The following TOP3A variants were observed in gnomAD, a reference collection of about 807,000 sequenced individuals.
TOP3A encodes DNA topoisomerase 3-alpha.
In TOP3A, 64 loss-of-function variants were observed where a neutral mutation model predicts 111.3. The ratio of observed to expected loss-of-function variants is 0.57; its 90% confidence interval spans 0.47 to 0.71. The LOEUF is 0.71. Among genes scored for constraint, TOP3A ranks in the 30% least tolerant of loss-of-function variants. The probability of loss-of-function intolerance (pLI) is 0.00; values close to 1 mark genes in which losing one functional copy is unlikely to be tolerated. For missense variants in TOP3A, 1,104 were observed against 1,285.0 expected, an observed-to-expected ratio of 0.86 and a Z score of 2.15; for synonymous variants, 484 against 485.1, an observed-to-expected ratio of 1.00 and a Z score of 0.03.
At chr17:18,275,434 A>G (rs1166846584) in intron 18 of TOP3A, among the ~76,000 whole-genome samples, 1 of 138,442 alleles carries the variant, frequency 7.2e-6, no homozygotes, top group Non-Finnish European at 1.5e-5. Context: ...ATCTCCACTC[A>G]CTGCAAGCTC....
At chr17:18,286,190 ACT>A (rs1402929862) in intron 13 of TOP3A, among the ~76,000 whole-genome samples, 1 of 143,374 alleles carries the variant, frequency 7.0e-6, no homozygotes, top group South Asian at 2.2e-4. Flanking sequence ...ATGGAGTGAG[ACT>A]CTCTTTAAAA....
rs747364705 is a variant in TOP3A, at chr17:18,280,570, C to T, written c.2110G>A (p.Val704Met). 1.1e-5 allele frequency: 17 copies of T among 1,613,738 alleles called. No homozygotes were observed. Among genetic ancestry groups the T allele is most frequent in the South Asian group, 6.6e-5 (6 of 91,064 alleles). The change falls in exon 17 of 19, where the codon GTG becomes ATG. Residue 704 changes from valine to methionine, a missense_variant. Coordinates refer to ENST00000321105, the MANE Select transcript of TOP3A (RefSeq NM_004618.5). ...SVLEASRDSS[V>M]CPVCQPHPVY... ...GGGTGTGGCTGACAAACTGGACACA[C>T]ACTGCTGTCCCTGCTGGCCTCCAGC...
rs1979011012 is a variant in TOP3A, at chr17:18,271,801, C to T, written c.*3001G>A. 1 of 448,922 alleles carries T rather than the reference C, an allele frequency of 2.2e-6. No individual in the cohort carries two copies. 27.8% of individuals were successfully genotyped at this position (448,922 alleles called of 1,614,324 possible). On this transcript the variant is annotated 3_prime_UTR_variant, in exon 19 of 19. Transcript: ENST00000321105. ...AAGAGACCAGGTGTGATGGCTCCTG[C>T]CTGTTAATCCTAGCACTTTGGGAGG...
intron 7 of TOP3A, 93 bp from the exon 8 acceptor site, chr17:18,302,078 C>G: frequency 1.4e-6 from 2 of 1,414,946 alleles, no homozygotes; most frequent in South Asian, 1.2e-5. Flanking sequence ...GAAAGTCAAA[C>G]GAATATCAAA....
At chr17:18,297,287 T>C (rs895125053) in intron 9 of TOP3A, among the ~76,000 whole-genome samples, 3 of 152,122 alleles carry the variant, frequency 2.0e-5, no homozygotes, top group African/African-American at 7.2e-5. Flanking sequence ...TAGCCAGGCA[T>C]GGTGGTGCAT....
In TOP3A at chr17:18,288,153, T is replaced by A. The variant is rs868246929; in HGVS notation, c.1597+2404A>T. Among the ~76,000 whole-genome samples, 372 of 79,190 alleles carry A rather than the reference T, an allele frequency of 4.7e-3. 3 individuals are homozygous for A. The highest frequency in any genetic ancestry group is 0.018 in the African/African-American group (346 of 19,168). 52.0% of individuals were successfully genotyped at this position (79,190 alleles called of 152,430 possible). ...TAATTATATATATATATATATAAAT[T>A]TTTTTTTTTTTTTTTTTTAGATGGA... On this transcript the variant is annotated intron_variant, in intron 13 of 18. Coordinates refer to ENST00000321105, the MANE Select transcript of TOP3A (RefSeq NM_004618.5).
intron 9 of TOP3A, among the ~76,000 whole-genome samples, chr17:18,296,544 C>T (rs974158653): frequency 7.2e-5 from 11 of 152,242 alleles, no homozygotes; most frequent in African/African-American, 2.6e-4. Context: ...CACGCCACTG[C>T]ACTCCAGCCT....
In TOP3A at chr17:18,294,929, C is replaced by T. The variant is rs1209897206; in HGVS notation, c.991-144G>A. ...CAGAGCTGAAAAGGCTGCCCAACAACGATTTCTGGGCCTGCCAAGCAGAGT... is the reference window on the plus strand; with the variant it reads ...CAGAGCTGAAAAGGCTGCCCAACAATGATTTCTGGGCCTGCCAAGCAGAGT... On this transcript the variant is annotated intron_variant, in intron 9 of 18. Transcript: ENST00000321105. The T allele has an allele frequency of 5.8e-5, 36 of 619,834 alleles. 1 individual carries two copies. Among genetic ancestry groups the T allele is most frequent in the South Asian group, 4.7e-4 (24 of 51,232 alleles). 38.4% of individuals were successfully genotyped at this position (619,834 alleles called of 1,614,324 possible).
chr17:18,308,655 A>T, intron 2 of TOP3A: 1 of 479,302 alleles, frequency 2.1e-6, no homozygotes, highest in Non-Finnish European at 3.6e-6. Context: ...TTTTCCTCAA[A>T]CTATTGTATA....
At chr17:18,305,046 T>C in intron 5 of TOP3A, 66 bp downstream of exon 5, 1 of 1,388,436 alleles carries the variant, frequency 7.2e-7, no homozygotes, top group Non-Finnish European at 1.0e-6. Flanking sequence ...TGTGCACATA[T>C]AAACAAGAAC....
In TOP3A at chr17:18,277,758, T is replaced by C; in HGVS notation, c.2744A>G (p.Lys915Arg). ...TRTVQKDGPN[K>R]GRQFHTCAKP... ...GGCACATGTGTGGAACTGGCGCCCC[T>C]TGTTGGGTCCATCCTTCTGCACAGT... Residue 915 changes from lysine (K) to arginine (R), a missense_variant, in exon 18 of 19, where the codon AAG (lysine) becomes AGG (arginine). Physicochemically the swap from Lys to Arg is conservative, Grantham distance 26. Transcript: ENST00000321105. 1 of 1,614,194 alleles carries C rather than the reference T, an allele frequency of 6.2e-7. No homozygotes were observed. Among genetic ancestry groups the C allele is most frequent in the Non-Finnish European group, 8.5e-7 (1 of 1,180,030 alleles).
At chr17:18,280,017 G>A (rs556916323) in intron 17 of TOP3A, among the ~76,000 whole-genome samples, 3 of 152,160 alleles carry the variant, frequency 2.0e-5, no homozygotes, top group East Asian at 3.9e-4. Flanking sequence ...CAGGCATAGT[G>A]GTGCATGCCT....
intron 5 of TOP3A, among the ~76,000 whole-genome samples, chr17:18,303,896 C>T (rs1221586110): frequency 6.6e-6 from 1 of 152,188 alleles, no homozygotes; most frequent in African/African-American, 2.4e-5. Context: ...CTCGTCTCCA[C>T]CTTGTGAGAA....
intron 16 of TOP3A, 48 bp downstream of exon 16, chr17:18,282,650 C>G: frequency 6.2e-7 from 1 of 1,609,588 alleles, no homozygotes; most frequent in African/African-American, 1.3e-5. Flanking sequence ...ACGGCTGACA[C>G]CGCAGGTGCT....
intron 11 of TOP3A, 91 bp downstream of exon 11, chr17:18,292,554 A>G: frequency 8.7e-7 from 1 of 1,151,960 alleles, no homozygotes. Context: ...TGTTTTTACA[A>G]TCACAGCCCA....
At chr17:18,280,174 AT>A (rs10668277) in intron 17 of TOP3A, 6 of 148,452 alleles carry the variant, frequency 4.0e-5, no homozygotes, top group Non-Finnish European at 9.1e-5. Flanking sequence ...TTAAATAAAA[AT>A]TTTTTTTTTT....
At chr17:18,280,406 G>T in intron 17 of TOP3A, 130 bp downstream of exon 17, 1 of 1,054,650 alleles carries the variant, frequency 9.5e-7, no homozygotes, top group Non-Finnish European at 1.4e-6. Context: ...ACTGGCTGCT[G>T]CAGAACACAG....
intron 11 of TOP3A, 63 bp downstream of exon 11, chr17:18,292,582 T>G: frequency 7.2e-7 from 1 of 1,393,570 alleles, no homozygotes; most frequent in South Asian, 1.5e-5. Flanking sequence ...AATTCAAACC[T>G]TACTACTGAC....
At chr17:18,297,165 C>T (rs1229697928) in intron 9 of TOP3A, among the ~76,000 whole-genome samples, 7 of 152,208 alleles carry the variant, frequency 4.6e-5, no homozygotes, top group African/African-American at 1.7e-4. Flanking sequence ...GTGGCTCACG[C>T]CTCTAATCCC....
Sources: allele counts gnomAD v4.1 joint callset (sites outside exome capture counted in the v4.1 genomes callset), GRCh38; gene constraint gnomAD v4.1.1; transcripts MANE v1.5; gene names NCBI Gene and HGNC (gene_info 2026-07-23, HGNC 2026-07-21).